Variants in ANKS1A observed in about 807,000 individuals in gnomAD.
The protein encoded by ANKS1A is ankyrin repeat and SAM domain-containing protein 1A.
A neutral mutation model predicts 120.3 loss-of-function variants in ANKS1A; 55 were observed. The ratio of observed to expected loss-of-function variants is 0.46; its 90% CI spans 0.37 to 0.57. The LOEUF is 0.57. Ranked by LOEUF, ANKS1A falls within the 20% of genes least tolerant of loss-of-function variation. The pLI, the probability that ANKS1A is intolerant of heterozygous loss-of-function variation, is 0.00. For synonymous variants in ANKS1A, 590 were observed against 604.7 expected (o/e 0.98, Z 0.36); for missense variants, 1,123 against 1,480.3 (o/e 0.76, Z 3.96).
intron 10 of ANKS1A, among the ~76,000 whole-genome samples, chr6:35,008,022 G>C (rs1262317343): frequency 6.6e-6 from 1 of 152,114 alleles, no homozygotes; most frequent in African/African-American, 2.4e-5. Flanking sequence ...CACTTTTACT[G>C]TTGGTTTAAT....
chr6:34,944,101 AG>A (rs1401683213), intron 1 of ANKS1A, among the ~76,000 whole-genome samples: 9 of 152,122 alleles, frequency 5.9e-5, no homozygotes, highest in Admixed American at 1.3e-4. Flanking sequence ...GTGAAAACCC[AG>A]TCTCTACTAA....
Position 34,935,885 on chromosome 6 carries a change from AC to A in ANKS1A, c.198-31350del, listed in dbSNP as rs1283410627. On this transcript the variant is annotated intron_variant, in intron 1 of 23. Transcript: ENST00000360359. ...AGACCATCCCGGCTAAAACGGTGAA[AC>A]CCCGTCTCTACTAAAAATACAAAAA... 2.7e-5 allele frequency among the ~76,000 whole-genome samples: 4 copies of A among 150,448 alleles called. No individual in the cohort carries two copies. The East Asian group carries it at 7.8e-4, about 29-fold the overall frequency.
At chr6:34,968,722 G>A (rs1306337191) in intron 2 of ANKS1A, among the ~76,000 whole-genome samples, 1 of 151,904 alleles carries the variant, frequency 6.6e-6, no homozygotes, top group Non-Finnish European at 1.5e-5. Flanking sequence ...ACAGGCATGA[G>A]CCACTGCGCC....
chr6:34,978,134 T>A (rs1771702531), intron 3 of ANKS1A, among the ~76,000 whole-genome samples: 1 of 152,062 alleles, frequency 6.6e-6, no homozygotes, highest in Non-Finnish European at 1.5e-5. Context: ...AATTTTTGTA[T>A]TTTTGGTGGA....
rs936870320 is a variant in ANKS1A, at chr6:35,089,777, C to A, written c.*1168C>A. ...CTTGGGTTGCATTCTTCCCTCTGGA[C>A]TAGAGTAGAAATGCAGGGGAAACTG... On this transcript the variant is annotated 3_prime_UTR_variant, in exon 24 of 24. Coordinates refer to ENST00000360359, the MANE Select transcript of ANKS1A (RefSeq NM_015245.3). 6 of 1,017,582 alleles carry A rather than the reference C, an allele frequency of 5.9e-6. No homozygotes were observed. Among genetic ancestry groups the A allele is most frequent in the Non-Finnish European group, 7.1e-6 (6 of 850,250 alleles). The allele number at this position is 1,017,582 out of a possible 1,614,324, so 63.0% of individuals were successfully genotyped here.
At chr6:34,960,514 G>T (rs114299609) in intron 1 of ANKS1A, among the ~76,000 whole-genome samples, 87 of 152,256 alleles carry the variant, frequency 5.7e-4, no homozygotes, top group African/African-American at 2.0e-3. Flanking sequence ...TCACCAAATA[G>T]AGTGGGCTGT....
chr6:35,070,504 T>A, intron 13 of ANKS1A, among the ~76,000 whole-genome samples: 1 of 145,034 alleles, frequency 6.9e-6, no homozygotes, highest in East Asian at 2.0e-4. Context: ...TTTTTTTTTT[T>A]TTTTTGAGAC....
intron 16 of ANKS1A, among the ~76,000 whole-genome samples, 197 bp downstream of exon 16, chr6:35,080,125 C>T (rs1777596058): frequency 6.6e-6 from 1 of 152,134 alleles, no homozygotes; most frequent in Non-Finnish European, 1.5e-5. Flanking sequence ...CGATCAAACA[C>T]ATAAAACTTG....
At chr6:35,025,192 TAAAC>T (rs1774553923) in intron 11 of ANKS1A, among the ~76,000 whole-genome samples, 1 of 152,168 alleles carries the variant, frequency 6.6e-6, no homozygotes, top group African/African-American at 2.4e-5. Flanking sequence ...CAGCCCTAAA[TAAAC>T]AGTTTTGGCC....
rs749624668 is a variant in ANKS1A at position 35,017,731 on chromosome 6, A to G, written c.1682A>G (p.Asp561Gly). Residue 561 changes from aspartate to glycine, a missense_variant, in exon 11 of 24, where the codon GAC becomes GGC. By Grantham distance (94) the Asp-to-Gly change is moderately conservative (BLOSUM62 -1). Coordinates refer to ENST00000360359, the MANE Select transcript of ANKS1A (RefSeq NM_015245.3). ...APGASQPSALDQSKRVGYLTG... is the reference protein window; with the variant it reads ...APGASQPSALGQSKRVGYLTG... ...GGAGCCTCCCAGCCCAGTGCCCTGG[A>G]CCAGAGCAAGAGAGTGGGCTACCTC... The G allele has an allele frequency of 3.7e-6, 6 of 1,613,958 alleles. No individual in the cohort carries two copies. The Admixed American group carries it at 6.7e-5, about 18-fold the overall frequency.
chr6:35,085,140 G>C lies in ANKS1A; in HGVS notation c.3133-626G>C, dbSNP rs570538572. Among the ~76,000 whole-genome samples the C allele has an allele frequency of 2.0e-5, 3 of 152,286 alleles. No individual in the cohort carries two copies. The East Asian group carries it at 5.8e-4, about 29-fold the overall frequency. On this transcript the variant is annotated intron_variant, in intron 21 of 23. Transcript: ENST00000360359. This position sits in a 1 kb window ranked among gnomAD's most constrained non-coding sequence, Gnocchi z 4.7. ...AACCAGGCTTTGCTGCTTGCTGGCT[G>C]TGTGAGCTTGGAAACATCGCATCTG...
intron 12 of ANKS1A, among the ~76,000 whole-genome samples, chr6:35,056,816 C>T (rs1776248551): frequency 6.6e-6 from 1 of 152,170 alleles, no homozygotes; most frequent in Admixed American, 6.5e-5. Flanking sequence ...TGTGTCTGCA[C>T]CACTGCCAGG....
chr6:34,988,212 T>G (rs1304306751), intron 8 of ANKS1A, among the ~76,000 whole-genome samples: 1 of 152,254 alleles, frequency 6.6e-6, no homozygotes, highest in Non-Finnish European at 1.5e-5. Context: ...ATATCATCTG[T>G]GGCTACTTTT....
intron 1 of ANKS1A, among the ~76,000 whole-genome samples, chr6:34,905,404 G>A (rs1378459114): frequency 3.9e-5 from 6 of 152,208 alleles, no homozygotes; most frequent in African/African-American, 1.2e-4. Context: ...GTCAGTAACT[G>A]AGTAGCTCAG....
At chr6:35,054,928 A>C (rs1222783733) in intron 12 of ANKS1A, among the ~76,000 whole-genome samples, 2 of 152,232 alleles carry the variant, frequency 1.3e-5, no homozygotes, top group African/African-American at 2.4e-5. Flanking sequence ...GGCTGAAAGC[A>C]GCCCAGCTGG....
intron 3 of ANKS1A, among the ~76,000 whole-genome samples, chr6:34,978,713 G>A (rs1771738786): frequency 6.7e-6 from 1 of 149,768 alleles, no homozygotes; most frequent in Non-Finnish European, 1.5e-5. Context: ...GCTGAGGCAG[G>A]AGAATCGCTT....
chr6:34,898,904 T>C (rs1767220486), intron 1 of ANKS1A, among the ~76,000 whole-genome samples: 1 of 152,160 alleles, frequency 6.6e-6, no homozygotes, highest in South Asian at 2.1e-4. Flanking sequence ...ACATGGAACA[T>C]GAGTTTGTTT....
chr6:35,090,186 C>G lies in ANKS1A; in HGVS notation c.*1577C>G. 1 of 1,289,462 alleles carries G rather than the reference C, an allele frequency of 7.8e-7. No homozygotes were observed. 79.9% of individuals were successfully genotyped at this position (1,289,462 alleles called of 1,614,324 possible). On this transcript the variant is annotated 3_prime_UTR_variant, in exon 24 of 24. Coordinates refer to ENST00000360359, the MANE Select transcript of ANKS1A (RefSeq NM_015245.3). ...CCACTTCTTGGTACTAAACGAAGATCTCGACACCTTGCAGTTTTACTTCAT... is the reference window on the plus strand; with the variant it reads ...CCACTTCTTGGTACTAAACGAAGATGTCGACACCTTGCAGTTTTACTTCAT...
chr6:34,940,745 C>T (rs1769483134), intron 1 of ANKS1A, among the ~76,000 whole-genome samples: 2 of 151,914 alleles, frequency 1.3e-5, no homozygotes, highest in South Asian at 4.2e-4. Context: ...CCCGTCTCTA[C>T]TAAAATACAA....
Sources: allele counts gnomAD v4.1 joint callset (sites outside exome capture counted in the v4.1 genomes callset), GRCh38; gene constraint gnomAD v4.1.1; non-coding constraint Gnocchi (gnomAD v3.1); transcripts MANE v1.5; gene names NCBI Gene and HGNC (gene_info 2026-07-23, HGNC 2026-07-21).